The following SUN2 variants were observed in gnomAD, a reference collection of about 807,000 sequenced individuals.
SUN2 encodes Sad1 and UNC84 domain containing 2, also known as SUN domain-containing protein 2.
SUN2 carries 60 observed loss-of-function variants against 100.0 expected under a neutral mutation model. The observed-to-expected ratio is 0.60, with a 90% CI of 0.49 to 0.74. The LOEUF is 0.74. SUN2 is among the 30% of genes least tolerant of loss of function. The probability of loss-of-function intolerance (pLI) is 0.00; values close to 1 mark genes in which losing one functional copy is unlikely to be tolerated. For synonymous variants in SUN2, 367 were observed against 403.3 expected, an observed-to-expected ratio of 0.91 and a Z score of 1.08; for missense variants, 834 against 954.6, an observed-to-expected ratio of 0.87 and a Z score of 1.66.
chr22:38,751,701 C>A (rs961783434), intron 2 of SUN2, among the ~76,000 whole-genome samples: 1 of 152,354 alleles, frequency 6.6e-6, no homozygotes, highest in East Asian at 1.9e-4. Flanking sequence ...GGGCCCCATG[C>A]CTGTGAGCCG....
chr22:38,745,715 C>G lies in SUN2; in HGVS notation c.782G>C (p.Trp261Ser). The G allele has an allele frequency of 1.2e-6, 2 of 1,613,988 alleles. No homozygotes were observed. The highest frequency in any genetic ancestry group is 1.7e-6 in the Non-Finnish European group (2 of 1,180,022). ...AKDSRRPDEG[W>S]EARDSSPHFQ... ...ATGTGGCGATGAGTCTCTGGCTTCC[C>G]AGCCCTCATCCGGCCTCCTGCTGTC... The change falls in exon 8 of 18, where the codon TGG (tryptophan) becomes TCG (serine). Residue 261 changes from tryptophan (W) to serine (S), a missense_variant. Physicochemically the swap from Trp to Ser is radical, Grantham distance 177. Transcript: ENST00000689035.
At position 38,740,879 on chromosome 22, in the gene SUN2, C is replaced by G. The variant is rs1462341013; in HGVS notation, c.1190+128G>C. ...GGGGTCCTGAGCTGGGTTTCAACCC[C>G]TCCCCCTACCATCTGCTTGGCAAGA... On this transcript the variant is annotated intron_variant, in intron 11 of 17. Transcript: ENST00000689035. This position sits in a 1 kb window ranked among gnomAD's most constrained non-coding sequence, Gnocchi z 4.8. The G allele has an allele frequency of 1.8e-5, 19 of 1,083,212 alleles. No individual in the cohort carries two copies. The highest frequency in any genetic ancestry group is 2.4e-5 in the Non-Finnish European group (18 of 736,726). The allele number at this position is 1,083,212 out of a possible 1,614,324, so 67.1% of individuals were successfully genotyped here. A position where few individuals can be genotyped will look rare whatever the true frequency, so the allele number is the denominator to read the frequency against.
chr22:38,750,588 G>C (rs1202267727), intron 4 of SUN2, among the ~76,000 whole-genome samples: 1 of 152,244 alleles, frequency 6.6e-6, no homozygotes, highest in Non-Finnish European at 1.5e-5. Flanking sequence ...ACACCACTCA[G>C]AATGACTGAG....
rs761020941 is a variant in SUN2 at position 38,752,530 on chromosome 22, G to C, written c.99C>G (p.Thr33=). 18 of 1,613,630 alleles carry C rather than the reference G, an allele frequency of 1.1e-5. No homozygotes were observed. In the Middle Eastern group the frequency reaches 8.2e-4, roughly 74 times the overall value. ...GGSSVAGSQS[T]LFKDSPLRTL... is the part of the protein sequence containing the mutation. ...ACCTGAGAGGACTGTCTTTAAACAG[G>C]GTGCTCTGACTCCCAGCCACCGAGC... The change falls in exon 2 of 18, where the codon ACC becomes ACG. Residue 33 remains threonine, a synonymous_variant. Transcript: ENST00000689035.
At chr22:38,745,140 C>G (rs1333400005) in intron 8 of SUN2, 2 of 471,158 alleles carry the variant, frequency 4.2e-6, no homozygotes, top group Middle Eastern at 3.3e-4. Flanking sequence ...TCTCTTGAAA[C>G]CCTGCCTGGG....
At chr22:38,750,061 A>G (rs2092932668) in intron 5 of SUN2, among the ~76,000 whole-genome samples, 164 bp downstream of exon 5, 1 of 149,188 alleles carries the variant, frequency 6.7e-6, no homozygotes. Flanking sequence ...CCTTCCACGC[A>G]AGGGGGTCCC....
At position 38,736,332 on chromosome 22, in the gene SUN2, T is replaced by C; in HGVS notation, c.2089A>G (p.Asn697Asp). 6.2e-7 allele frequency: 1 copy of C among 1,613,978 alleles called. No homozygotes were observed. The highest frequency in any genetic ancestry group is 8.5e-7 in the Non-Finnish European group (1 of 1,179,908). Residue 697 changes from asparagine (N) to aspartate (D), a missense_variant, in exon 18 of 18, where the codon AAC becomes GAC. Transcript: ENST00000689035. ...YQVVELRILT[N>D]WGHPEYTCIY... ...CAGGTGTACTCGGGGTGGCCCCAGT[T>C]AGTCAGGATCCGCAGCTCCACCACC...
intron 8 of SUN2, chr22:38,744,961 G>T: frequency 2.2e-6 from 1 of 445,968 alleles, no homozygotes; most frequent in Admixed American, 2.5e-5. Context: ...CCCTGCAGCC[G>T]CACCTCTGTC....
At position 38,740,025 on chromosome 22, in the gene SUN2, G is replaced by A; in HGVS notation, c.1357-82C>T. On this transcript the variant is annotated intron_variant, in intron 12 of 17. Transcript: ENST00000689035. The surrounding 1 kb of genome is among the most constrained non-coding windows in gnomAD (Gnocchi z 4.8). ...CTATGACAGGGCTAGTGCTTAGCTG[G>A]ATAGCAGGGATAGGGTAGGAGGGAG... 1 of 1,470,130 alleles carries A rather than the reference G, an allele frequency of 6.8e-7. No homozygotes were observed. The highest frequency in any genetic ancestry group is 9.3e-7 in the Non-Finnish European group (1 of 1,077,656). The allele number at this position is 1,470,130 out of a possible 1,614,324, so 91.1% of individuals were successfully genotyped here.
chr22:38,739,280 G>C lies in SUN2; in HGVS notation c.1663+62C>G. 6.5e-7 allele frequency: 1 copy of C among 1,550,260 alleles called. No homozygotes were observed. Among genetic ancestry groups the C allele is most frequent in the East Asian group, 2.2e-5 (1 of 44,560 alleles). On this transcript the variant is annotated intron_variant, in intron 14 of 17. Transcript: ENST00000689035. This position sits in a 1 kb window ranked among gnomAD's most constrained non-coding sequence, Gnocchi z 6.7. ...CTGCCCCACCACCAACCTGGTAGATGCCAGGGGACCGGCCATTGCGGGGTC... is the reference window on the plus strand; with the variant it reads ...CTGCCCCACCACCAACCTGGTAGATCCCAGGGGACCGGCCATTGCGGGGTC...
chr22:38,747,351 A>T (rs972984556), intron 7 of SUN2, among the ~76,000 whole-genome samples: 2 of 151,924 alleles, frequency 1.3e-5, no homozygotes, highest in African/African-American at 2.4e-5. Context: ...AAAAAAAAGA[A>T]GAAGAATCAT....
In SUN2 at chr22:38,751,260, C is replaced by T. The variant is rs771484359; in HGVS notation, c.236G>A (p.Trp79Ter). 1 of 1,614,058 alleles carries T rather than the reference C, an allele frequency of 6.2e-7. No homozygotes were observed. The highest frequency in any genetic ancestry group is 8.5e-7 in the Non-Finnish European group (1 of 1,179,944). The change falls in exon 3 of 18, where the codon TGG becomes TAG. Residue 79 changes from tryptophan (W) to a stop codon, truncating the protein, a stop_gained. Coordinates refer to ENST00000689035, the MANE Select transcript of SUN2 (RefSeq NM_015374.3). LOFTEE classifies it high-confidence loss of function. Reference sequence around the variant, plus strand: ...CTCCAGGGAGCTCCTGGGTGGGAACCAGGACTCGTGGACCAGCGACTCACT... The same window carrying T: ...CTCCAGGGAGCTCCTGGGTGGGAACTAGGACTCGTGGACCAGCGACTCACT... ...YYSESLVHES[W>*]FPPRSSLEEL...
At chr22:38,751,149 G>A in intron 3 of SUN2, 61 bp downstream of exon 3, 1 of 1,605,856 alleles carries the variant, frequency 6.2e-7, no homozygotes, top group Non-Finnish European at 8.5e-7. Context: ...GGGACACTGT[G>A]AGGAGTATCT....
At chr22:38,747,609 C>T (rs1486180029) in intron 7 of SUN2, among the ~76,000 whole-genome samples, 1 of 152,170 alleles carries the variant, frequency 6.6e-6, no homozygotes, top group Non-Finnish European at 1.5e-5. Flanking sequence ...ATGAAACTAG[C>T]CAAGCTGTCA....
Position 38,750,210 on chromosome 22 carries a change from C to G in SUN2, c.520+15G>C. 6.2e-7 allele frequency: 1 copy of G among 1,607,022 alleles called. No individual in the cohort carries two copies. Among genetic ancestry groups the G allele is most frequent in the Non-Finnish European group, 8.5e-7 (1 of 1,174,544 alleles). ...CACCAAGAATGGAAGTAACTGGGCA[C>G]GGGTTGCAGCCCACCTGGCGAAGTG... is the stretch of plus-strand genomic sequence containing the variant. On this transcript the variant is annotated intron_variant, in intron 5 of 17. Coordinates refer to ENST00000689035, the MANE Select transcript of SUN2 (RefSeq NM_015374.3).
chr22:38,734,857 GA>G lies in SUN2; in HGVS notation c.*1409del, dbSNP rs1358728573. On this transcript the variant is annotated 3_prime_UTR_variant, in exon 18 of 18. Coordinates refer to ENST00000689035, the MANE Select transcript of SUN2 (RefSeq NM_015374.3). ...AACAAACCCTGGCTGCCTCGGGATG[GA>G]GCGGGGCGGCCTCACCACCACTGCA... The G allele has an allele frequency of 1.0e-5, 2 of 191,160 alleles. No homozygotes were observed. Among genetic ancestry groups the G allele is most frequent in the African/African-American group, 4.8e-5 (2 of 41,858 alleles). The allele number at this position is 191,160 out of a possible 1,614,324, so 11.8% of individuals were successfully genotyped here.
chr22:38,742,414 C>A lies in SUN2; in HGVS notation c.955G>T (p.Gly319Cys), dbSNP rs529775254. Reference protein sequence around the residue: ...ELRQGAPGQGGGGGLSHEDTL... With the variant: ...ELRQGAPGQGCGGGLSHEDTL... ...TCCTCGTGGCTCAGGCCACCACCAC[C>A]TCCCTGGCCAGGAGCCCCTTGCCGC... The change falls in exon 9 of 18, where the codon GGT becomes TGT. Residue 319 changes from glycine to cysteine, a missense_variant. Gly to Cys is a radical substitution (Grantham distance 159). Transcript: ENST00000689035. 3 of 1,613,412 alleles carry A rather than the reference C, an allele frequency of 1.9e-6. No homozygotes were observed. In the South Asian group the frequency reaches 3.3e-5, roughly 18 times the overall value.
At chr22:38,743,666 G>C (rs553871514) in intron 8 of SUN2, 1 of 150,270 alleles carries the variant, frequency 6.7e-6, no homozygotes, top group African/African-American at 2.5e-5. Context: ...CTCACCAACA[G>C]CCTCTCCCAG....
In SUN2 at chr22:38,739,159, TG is replaced by T; in HGVS notation, c.1664-172del. 1 of 895,160 alleles carries T rather than the reference TG, an allele frequency of 1.1e-6. No individual in the cohort carries two copies. The highest frequency in any genetic ancestry group is 1.8e-6 in the Non-Finnish European group (1 of 565,160). 55.5% of individuals were successfully genotyped at this position (895,160 alleles called of 1,614,324 possible). ...AGGTCAGCCTCTCCCTGGCCCAGGA[TG>T]GTACTCGGTACGTCCTGACTTCCCT... On this transcript the variant is annotated intron_variant, in intron 14 of 17. Transcript: ENST00000689035. This position sits in a 1 kb window ranked among gnomAD's most constrained non-coding sequence, Gnocchi z 6.7.
Sources: gnomAD v4.1 joint callset for allele counts (sites outside exome capture counted in the v4.1 genomes callset) on GRCh38, gnomAD v4.1.1 for gene constraint, Gnocchi (gnomAD v3.1) non-coding constraint, MANE v1.5 for transcripts, NCBI Gene and HGNC (gene_info 2026-07-23, HGNC 2026-07-21) for gene names.